Variants in PHACTR1 observed in about 807,000 individuals in gnomAD.
PHACTR1 encodes phosphatase and actin regulator 1.
A neutral mutation model predicts 69.2 loss-of-function variants in PHACTR1; 16 were observed. The observed-to-expected ratio is 0.23, with a 90% CI of 0.16 to 0.35. The LOEUF is 0.35. PHACTR1 is among the 10% of genes least tolerant of loss of function. The pLI is 1.00. For missense variants in PHACTR1, 510 were observed against 734.7 expected, an observed-to-expected ratio of 0.69 and a Z score of 3.54; for synonymous variants, 312 against 284.5, an observed-to-expected ratio of 1.10 and a Z score of -0.97.
intron 4 of PHACTR1, among the ~76,000 whole-genome samples, chr6:12,949,008 C>T (rs910704735): frequency 7.2e-5 from 11 of 152,246 alleles, no homozygotes; most frequent in African/African-American, 1.4e-4. Flanking sequence ...CAATGGCTCA[C>T]GCCTGTAATC....
At chr6:12,877,571 G>T (rs944103713) in intron 4 of PHACTR1, among the ~76,000 whole-genome samples, 14 of 152,060 alleles carry the variant, frequency 9.2e-5, no homozygotes, top group African/African-American at 3.4e-4. Flanking sequence ...TCCTGAGCCT[G>T]TTCCACCCCC....
At chr6:13,286,984 C>T in intron 14 of PHACTR1, 79 bp from the exon 15 acceptor site, 2 of 1,508,002 alleles carry the variant, frequency 1.3e-6, no homozygotes, top group Non-Finnish European at 1.8e-6. Context: ...AAGAACCTCC[C>T]TGAAGATGGG....
intron 4 of PHACTR1, among the ~76,000 whole-genome samples, chr6:12,786,460 T>G (rs887749968): frequency 6.6e-6 from 1 of 152,188 alleles, no homozygotes; most frequent in Non-Finnish European, 1.5e-5. Flanking sequence ...GATTCAGAAA[T>G]CAGTACTCAA....
chr6:12,981,713 C>T (rs1376702647), intron 4 of PHACTR1, among the ~76,000 whole-genome samples: 4 of 152,296 alleles, frequency 2.6e-5, no homozygotes, highest in African/African-American at 9.6e-5. Context: ...CTGGTTGAAA[C>T]AGGAAGTCTC....
chr6:12,748,690 A>G (rs941644976), intron 3 of PHACTR1, among the ~76,000 whole-genome samples: 20 of 152,190 alleles, frequency 1.3e-4, no homozygotes, highest in Non-Finnish European at 1.0e-4. Flanking sequence ...TGCAGAAACA[A>G]TGTTGCCAGG....
At chr6:13,247,003 A>G (rs921920954) in intron 10 of PHACTR1, among the ~76,000 whole-genome samples, 1 of 152,244 alleles carries the variant, frequency 6.6e-6, no homozygotes, top group Non-Finnish European at 1.5e-5. Context: ...GCATCCAAAG[A>G]TACAACCCTG....
chr6:13,027,923 C>T lies in PHACTR1; in HGVS notation c.251-25442C>T, dbSNP rs141937061. Reference sequence around the variant, plus strand: ...AACTCCTGACCTCAGGTGATCCACCCGTCTAGGCCTCCCAAAGTGCTGGGA... The same window carrying T: ...AACTCCTGACCTCAGGTGATCCACCTGTCTAGGCCTCCCAAAGTGCTGGGA... On this transcript the variant is annotated intron_variant, in intron 4 of 14. Transcript: ENST00000332995. 2.3e-3 allele frequency among the ~76,000 whole-genome samples: 347 copies of T among 152,218 alleles called. 1 individual carries two copies. The highest frequency in any genetic ancestry group is 4.8e-3 in the Admixed American group (73 of 15,288).
intron 4 of PHACTR1, among the ~76,000 whole-genome samples, chr6:12,768,522 C>T (rs997074748): frequency 6.6e-6 from 1 of 151,658 alleles, no homozygotes; most frequent in African/African-American, 2.4e-5. Flanking sequence ...TTGGATTTTA[C>T]TTTCCTTAGG....
chr6:13,208,885 TG>T (rs769516235), intron 8 of PHACTR1, among the ~76,000 whole-genome samples: 15 of 151,278 alleles, frequency 9.9e-5, no homozygotes, highest in Non-Finnish European at 1.6e-4. Flanking sequence ...GGAATTTTGG[TG>T]GGGGCAGGGT....
chr6:12,938,652 C>T (rs558652563), intron 4 of PHACTR1, among the ~76,000 whole-genome samples: 1 of 152,246 alleles, frequency 6.6e-6, no homozygotes, highest in Admixed American at 6.5e-5. Context: ...CCATCACAAT[C>T]AAGATAATGA....
At chr6:12,810,633 G>A (rs1774914296) in intron 4 of PHACTR1, among the ~76,000 whole-genome samples, 1 of 152,162 alleles carries the variant, frequency 6.6e-6, no homozygotes, top group Non-Finnish European at 1.5e-5. Flanking sequence ...AAAGGCTCAT[G>A]TTCCGGCATC....
chr6:12,919,806 T>C (rs1189562461), intron 4 of PHACTR1, among the ~76,000 whole-genome samples: 2 of 152,198 alleles, frequency 1.3e-5, no homozygotes, highest in East Asian at 3.8e-4. Flanking sequence ...GAGAGAGCCC[T>C]ACATCTTTTG....
intron 6 of PHACTR1, among the ~76,000 whole-genome samples, chr6:13,175,834 A>T (rs921861242): frequency 1.3e-5 from 2 of 152,132 alleles, no homozygotes; most frequent in African/African-American, 4.8e-5. Flanking sequence ...GATCTCCTTT[A>T]TCACTGGCAA....
At chr6:12,750,363 T>C (rs906329634) in intron 4 of PHACTR1, among the ~76,000 whole-genome samples, 2 of 151,994 alleles carry the variant, frequency 1.3e-5, no homozygotes, top group Non-Finnish European at 2.9e-5. Context: ...ATGCTGTCCC[T>C]GGAACTGGTG....
chr6:12,802,603 C>T (rs1375001645), intron 4 of PHACTR1, among the ~76,000 whole-genome samples: 1 of 152,118 alleles, frequency 6.6e-6, no homozygotes, highest in African/African-American at 2.4e-5. Context: ...CCATTATTTT[C>T]TCTGCCACCA....
intron 4 of PHACTR1, among the ~76,000 whole-genome samples, chr6:12,783,232 C>T (rs533749108): frequency 5.9e-5 from 9 of 152,104 alleles, no homozygotes; most frequent in East Asian, 1.9e-4. Context: ...GTAGGTTGCA[C>T]GAAAGGCACA....
intron 7 of PHACTR1, among the ~76,000 whole-genome samples, chr6:13,183,995 G>A (rs555171763): frequency 1.3e-5 from 2 of 152,330 alleles, no homozygotes; most frequent in African/African-American, 2.4e-5. Context: ...AGAAATGGAG[G>A]AATTGATAAA....
chr6:13,145,711 C>T lies in PHACTR1; in HGVS notation c.416-14493C>T, dbSNP rs139961001. ...GAGCACACGAACCAAGGAAAGGCCTCGTGAACACACAGCAAGAAGGCAGCC... is the reference window on the plus strand; with the variant it reads ...GAGCACACGAACCAAGGAAAGGCCTTGTGAACACACAGCAAGAAGGCAGCC... On this transcript the variant is annotated intron_variant, in intron 5 of 14. Transcript: ENST00000332995. 1.7e-3 allele frequency among the ~76,000 whole-genome samples: 255 copies of T among 152,294 alleles called. No individual in the cohort carries two copies. In the Middle Eastern group the frequency reaches 0.017, roughly 10 times the overall value.
chr6:12,827,355 A>G (rs1776916118), intron 4 of PHACTR1, among the ~76,000 whole-genome samples: 1 of 152,196 alleles, frequency 6.6e-6, no homozygotes, highest in Admixed American at 6.5e-5. Context: ...AAATGCACTG[A>G]TTCATAACAT....
Sources: gnomAD v4.1 joint callset for allele counts (sites outside exome capture counted in the v4.1 genomes callset) on GRCh38, gnomAD v4.1.1 for gene constraint, MANE v1.5 for transcripts, NCBI Gene and HGNC (gene_info 2026-07-23, HGNC 2026-07-21) for gene names.